The following TAFA5 variants were observed in gnomAD, a reference collection of about 807,000 sequenced individuals.
The protein encoded by TAFA5 is chemokine-like protein TAFA-5.
In TAFA5, 6 loss-of-function variants were observed where a neutral mutation model predicts 15.3. That is an observed-to-expected ratio of 0.39 (90% CI 0.21 to 0.77). TAFA5 has a LOEUF of 0.77. Ranked by LOEUF, TAFA5 falls within the 30% of genes least tolerant of loss-of-function variation. TAFA5 has a pLI of 0.41. For missense variants in TAFA5, 161 were observed against 193.1 expected, an observed-to-expected ratio of 0.83 and a Z score of 0.98; for synonymous variants, 103 against 80.7, an observed-to-expected ratio of 1.28 and a Z score of -1.48.
chr22:48,652,973 C>T (rs1241251779), intron 2 of TAFA5, among the ~76,000 whole-genome samples: 1 of 152,226 alleles, frequency 6.6e-6, no homozygotes. Context: ...GGCTTGGGGT[C>T]CGTGCTTTGT....
At chr22:48,746,619 CAG>C (rs1367659441) in intron 3 of TAFA5, among the ~76,000 whole-genome samples, 3 of 152,190 alleles carry the variant, frequency 2.0e-5, no homozygotes, top group Non-Finnish European at 4.4e-5. Flanking sequence ...GGGGGACGCT[CAG>C]AGAGTAAGTG....
chr22:48,616,329 G>A (rs755890468), intron 1 of TAFA5, among the ~76,000 whole-genome samples: 6 of 152,222 alleles, frequency 3.9e-5, no homozygotes, highest in Admixed American at 3.3e-4. Flanking sequence ...TTTTCTGGTC[G>A]AGGCCTGATG....
chr22:48,497,092 C>G (rs911822243), intron 1 of TAFA5, among the ~76,000 whole-genome samples: 23 of 152,194 alleles, frequency 1.5e-4, no homozygotes, highest in Non-Finnish European at 5.9e-5. Context: ...GGCTTCCTCC[C>G]GGTGCCAGCT....
rs567364871 is a variant in TAFA5 at position 48,688,103 on chromosome 22, T to G, written c.263-19614T>G. Reference sequence around the variant, plus strand: ...TATTGTTTTTTTGTGTGTTTTGGGGTTTTTTTTTCCCTCTCTCTCATCTAA... The same window carrying G: ...TATTGTTTTTTTGTGTGTTTTGGGGGTTTTTTTTCCCTCTCTCTCATCTAA... On this transcript the variant is annotated intron_variant, in intron 2 of 3. Coordinates refer to ENST00000402357, the MANE Select transcript of TAFA5 (RefSeq NM_001082967.3). Among the ~76,000 whole-genome samples the G allele has an allele frequency of 4.1e-4, 35 of 85,936 alleles. No homozygotes were observed. The South Asian group carries it at 4.1e-3, about 10-fold the overall frequency. The allele number at this position is 85,936 out of a possible 152,430, so 56.4% of individuals were successfully genotyped here. A position where few individuals can be genotyped will look rare whatever the true frequency, so the allele number is the denominator to read the frequency against.
intron 2 of TAFA5, chr22:48,693,225 A>G: frequency 6.9e-7 from 1 of 1,458,128 alleles, no homozygotes; most frequent in Non-Finnish European, 9.3e-7. Context: ...TCCTCAGAGC[A>G]GCCTGGCAGG....
intron 2 of TAFA5, among the ~76,000 whole-genome samples, chr22:48,703,513 C>T (rs905727458): frequency 4.6e-5 from 7 of 152,228 alleles, no homozygotes; most frequent in Non-Finnish European, 8.8e-5. Context: ...ATCCTCAGCC[C>T]CACAGTCCCA....
At chr22:48,642,871 G>A (rs1003757573) in intron 1 of TAFA5, among the ~76,000 whole-genome samples, 2 of 152,152 alleles carry the variant, frequency 1.3e-5, no homozygotes, top group African/African-American at 2.4e-5. Context: ...TACACAGGGG[G>A]AACAGCTGTG....
chr22:48,646,799 A>T, intron 2 of TAFA5, 53 bp downstream of exon 2: 1 of 1,518,734 alleles, frequency 6.6e-7, no homozygotes, highest in Non-Finnish European at 8.8e-7. Flanking sequence ...GGCGTCACCA[A>T]AGGTGCCTCT....
At chr22:48,618,087 G>A (rs1209134771) in intron 1 of TAFA5, among the ~76,000 whole-genome samples, 1 of 152,230 alleles carries the variant, frequency 6.6e-6, no homozygotes, top group African/African-American at 2.4e-5. Flanking sequence ...GTTAACAGCA[G>A]GAAGCACTGG....
chr22:48,573,201 C>T (rs1202112554), intron 1 of TAFA5, among the ~76,000 whole-genome samples: 1 of 152,200 alleles, frequency 6.6e-6, no homozygotes, highest in Non-Finnish European at 1.5e-5. Flanking sequence ...GGACACCTGG[C>T]CATGCCCCTG....
chr22:48,750,689 C>T lies in TAFA5; in HGVS notation c.*842C>T, dbSNP rs1380401306. The T allele has an allele frequency of 2.6e-5, 4 of 153,060 alleles. No homozygotes were observed. In the East Asian group the frequency reaches 5.8e-4, roughly 22 times the overall value. 9.5% of individuals were successfully genotyped at this position (153,060 alleles called of 1,614,324 possible). ...CTCCATTTTTGATAGTTGGATAATC[C>T]AGTATCTGCCAAGAGCATGTTGGGT... On this transcript the variant is annotated 3_prime_UTR_variant, in exon 4 of 4. Coordinates refer to ENST00000402357, the MANE Select transcript of TAFA5 (RefSeq NM_001082967.3).
chr22:48,558,043 CCT>C (rs1226617051), intron 1 of TAFA5, among the ~76,000 whole-genome samples: 1 of 152,126 alleles, frequency 6.6e-6, no homozygotes, highest in Non-Finnish European at 1.5e-5. Flanking sequence ...GTTTCCCTCC[CCT>C]GTCTCCTTTA....
At chr22:48,579,186 C>T (rs114623212) in intron 1 of TAFA5, among the ~76,000 whole-genome samples, 9 of 152,082 alleles carry the variant, frequency 5.9e-5, no homozygotes, top group African/African-American at 1.7e-4. Flanking sequence ...GGCTGTGAAC[C>T]GAGAGAGAGG....
intron 1 of TAFA5, among the ~76,000 whole-genome samples, chr22:48,614,065 G>A (rs1164637540): frequency 3.9e-5 from 6 of 152,240 alleles, no homozygotes; most frequent in Non-Finnish European, 8.8e-5. Flanking sequence ...TTGCGAAGCG[G>A]TCCTGACCTC....
chr22:48,516,393 G>A (rs1189284052), intron 1 of TAFA5, among the ~76,000 whole-genome samples: 1 of 152,082 alleles, frequency 6.6e-6, no homozygotes. Flanking sequence ...AGACCTCGGG[G>A]CCGCGTGGTT....
rs142255526 is a variant in TAFA5 at position 48,745,644 on chromosome 22, C to T, written c.391-4195C>T. ...TTACCTGAGGTCCTAGAATTCACTC[C>T]GTCTTCAGTCTCAGCTGATGACTGT... is the stretch of plus-strand genomic sequence containing the variant. On this transcript the variant is annotated intron_variant, in intron 3 of 3. Transcript: ENST00000402357. Among the ~76,000 whole-genome samples the T allele has an allele frequency of 5.9e-5, 9 of 152,372 alleles. No individual in the cohort carries two copies. In the East Asian group the frequency reaches 9.6e-4, roughly 16 times the overall value.
chr22:48,707,676 T>G, intron 2 of TAFA5, 41 bp from the exon 3 acceptor site: 1 of 1,607,836 alleles, frequency 6.2e-7, no homozygotes, highest in Non-Finnish European at 8.5e-7. Flanking sequence ...TCACGATCCA[T>G]GAGAGTAGCA....
At chr22:48,621,045 C>CCCTATCT (rs1569051265) in intron 1 of TAFA5, among the ~76,000 whole-genome samples, 1 of 119,172 alleles carries the variant, frequency 8.4e-6, no homozygotes, top group Non-Finnish European at 1.8e-5. Flanking sequence ...CCCTCCCACC[C>CCCTATCT]ATCCACCCAC....
intron 2 of TAFA5, among the ~76,000 whole-genome samples, chr22:48,684,407 C>A (rs762136032): frequency 1.1e-4 from 16 of 152,098 alleles, no homozygotes; most frequent in Non-Finnish European, 1.6e-4. Context: ...TGGAGTGACT[C>A]AGAACTCCCA....
Sources: gnomAD v4.1 joint callset for allele counts (sites outside exome capture counted in the v4.1 genomes callset) on GRCh38, gnomAD v4.1.1 for gene constraint, MANE v1.5 for transcripts, NCBI Gene and HGNC (gene_info 2026-07-23, HGNC 2026-07-21) for gene names.